ATG7: variants seen among roughly 807,000 people sequenced by gnomAD.
The protein encoded by ATG7 is ubiquitin-like modifier-activating enzyme ATG7.
In ATG7, 70 loss-of-function variants were observed where a neutral mutation model predicts 82.4. The observed-to-expected ratio is 0.85, with a 90% confidence interval of 0.70 to 1.04. The LOEUF is 1.04. Among genes scored for constraint, ATG7 ranks in the 50% least tolerant of loss-of-function variants. The probability of loss-of-function intolerance (pLI) is 0.00; values close to 1 mark genes in which losing one functional copy is unlikely to be tolerated. For synonymous variants in ATG7, 287 were observed against 313.0 expected (o/e 0.92, Z 0.88); for missense variants, 792 against 864.3 (o/e 0.92, Z 1.05).
chr3:11,384,211 A>G (rs1316446368), intron 19 of ATG7, among the ~76,000 whole-genome samples: 1 of 152,168 alleles, frequency 6.6e-6, no homozygotes, highest in South Asian at 2.1e-4. Context: ...GCAGGAGGAG[A>G]CTGCGTGCAG....
At chr3:11,511,360 T>G (rs546867907) in intron 20 of ATG7, among the ~76,000 whole-genome samples, 1 of 152,290 alleles carries the variant, frequency 6.6e-6, no homozygotes, top group African/African-American at 2.4e-5. Flanking sequence ...GATACAGAGT[T>G]TCGACACACA....
At chr3:11,486,045 G>A (rs2089600118) in intron 20 of ATG7, among the ~76,000 whole-genome samples, 1 of 152,140 alleles carries the variant, frequency 6.6e-6, no homozygotes, top group African/African-American at 2.4e-5. Context: ...GGTTCCATAT[G>A]AACTTTTAAG....
At chr3:11,287,181 T>A (rs1944228128) in intron 3 of ATG7, among the ~76,000 whole-genome samples, 1 of 152,110 alleles carries the variant, frequency 6.6e-6, no homozygotes, top group Non-Finnish European at 1.5e-5. Context: ...CAATCAAGTT[T>A]GGTGGAGGCA....
intron 19 of ATG7, among the ~76,000 whole-genome samples, chr3:11,384,395 C>T (rs951045924): frequency 6.6e-6 from 1 of 152,144 alleles, no homozygotes; most frequent in African/African-American, 2.4e-5. Context: ...GATTAGCAAC[C>T]TTAATAATAC....
chr3:11,364,401 A>T (rs1035824356), intron 17 of ATG7, among the ~76,000 whole-genome samples: 1 of 152,182 alleles, frequency 6.6e-6, no homozygotes, highest in Admixed American at 6.5e-5. Flanking sequence ...TACTTTATAG[A>T]TGATGGATCT....
At chr3:11,354,276 C>A (rs1414594394) in intron 14 of ATG7, among the ~76,000 whole-genome samples, 4 of 152,168 alleles carry the variant, frequency 2.6e-5, no homozygotes, top group Non-Finnish European at 5.9e-5. Context: ...AGATACCACA[C>A]CTGATCCTGG....
intron 18 of ATG7, among the ~76,000 whole-genome samples, chr3:11,371,025 C>T: frequency 6.6e-6 from 1 of 151,036 alleles, no homozygotes; most frequent in Middle Eastern, 3.4e-3. Flanking sequence ...CTCCTATGTT[C>T]CTATTTGGAG....
At chr3:11,314,767 G>C (rs528473102) in intron 8 of ATG7, among the ~76,000 whole-genome samples, 1 of 39,128 alleles carries the variant, frequency 2.6e-5, no homozygotes, top group South Asian at 1.5e-3. Flanking sequence ...AAACCCCATC[G>C]CTATAAAAAA....
At chr3:11,519,539 G>GTTTTTGTT (rs2092377331) in intron 20 of ATG7, among the ~76,000 whole-genome samples, 1 of 62,210 alleles carries the variant, frequency 1.6e-5, no homozygotes, top group Non-Finnish European at 3.3e-5. Flanking sequence ...AGTGAGAGGA[G>GTTTTTGTT]TTTTTTTTTT....
rs565934884 is a variant in ATG7 at position 11,367,862 on chromosome 3, TA to T, written c.1875+3136del. Among the ~76,000 whole-genome samples, 143 of 151,498 alleles carry T rather than the reference TA, an allele frequency of 9.4e-4. 1 individual carries two copies. The highest frequency in any genetic ancestry group is 2.7e-4 in the Non-Finnish European group (18 of 67,846). On this transcript the variant is annotated intron_variant, in intron 18 of 20. Transcript: ENST00000693202. Reference sequence around the variant, plus strand: ...AATTTCTGTCTATAAAAAGAATGATTAAAAAAAATCATTTTGTTGATGTGTG... The same window carrying T: ...AATTTCTGTCTATAAAAAGAATGATTAAAAAAATCATTTTGTTGATGTGTG...
At chr3:11,495,924 G>A (rs1415485766) in intron 20 of ATG7, among the ~76,000 whole-genome samples, 4 of 152,166 alleles carry the variant, frequency 2.6e-5, no homozygotes, top group Non-Finnish European at 5.9e-5. Flanking sequence ...CATGTGCACC[G>A]TAAGGACTTA....
At chr3:11,486,142 ATTTT>A (rs2089621698) in intron 20 of ATG7, among the ~76,000 whole-genome samples, 1 of 152,104 alleles carries the variant, frequency 6.6e-6, no homozygotes, top group Non-Finnish European at 1.5e-5. Context: ...CAGTATGGCC[ATTTT>A]CATGATATTG....
chr3:11,304,839 G>C (rs73125409), intron 5 of ATG7, among the ~76,000 whole-genome samples: 2,339 of 152,210 alleles, frequency 0.015, 57 homozygotes, highest in African/African-American at 0.052. Context: ...TTCTTTTTAG[G>C]AGCTATGTTG....
At chr3:11,541,732 T>C (rs1257784922) in intron 20 of ATG7, among the ~76,000 whole-genome samples, 1 of 152,220 alleles carries the variant, frequency 6.6e-6, no homozygotes, top group Non-Finnish European at 1.5e-5. Flanking sequence ...CTCTCTCTGA[T>C]GTTGACCCCA....
At chr3:11,313,925 G>A (rs1949038268) in intron 8 of ATG7, among the ~76,000 whole-genome samples, 1 of 152,178 alleles carries the variant, frequency 6.6e-6, no homozygotes, top group African/African-American at 2.4e-5. Context: ...AAGATGTAGT[G>A]CACAGTAATT....
At chr3:11,537,044 C>G (rs536968797) in intron 20 of ATG7, among the ~76,000 whole-genome samples, 2 of 152,232 alleles carry the variant, frequency 1.3e-5, no homozygotes, top group South Asian at 4.1e-4. Context: ...CTCCGCGGAC[C>G]CTCTGATGGC....
chr3:11,365,645 A>T (rs1268106999), intron 18 of ATG7, among the ~76,000 whole-genome samples: 1 of 152,142 alleles, frequency 6.6e-6, no homozygotes, highest in Non-Finnish European at 1.5e-5. Flanking sequence ...CAGAGAGCAG[A>T]GTGACTCAGC....
At chr3:11,273,322 G>A (rs1940936511) in intron 1 of ATG7, among the ~76,000 whole-genome samples, 1 of 152,118 alleles carries the variant, frequency 6.6e-6, no homozygotes, top group Admixed American at 6.5e-5. Context: ...TTTCTTCAGT[G>A]ACAGAAAGCT....
intron 5 of ATG7, among the ~76,000 whole-genome samples, chr3:11,300,424 A>G (rs894628569): frequency 6.6e-6 from 1 of 152,218 alleles, no homozygotes; most frequent in Non-Finnish European, 1.5e-5. Context: ...TTATAAATGT[A>G]TTTCTGAAAC....
Sources: allele counts gnomAD v4.1 joint callset (sites outside exome capture counted in the v4.1 genomes callset), GRCh38; gene constraint gnomAD v4.1.1; transcripts MANE v1.5; gene names NCBI Gene and HGNC (gene_info 2026-07-23, HGNC 2026-07-21).